The following GAS7 variants were observed in gnomAD, a reference collection of about 807,000 sequenced individuals.
GAS7 encodes growth arrest specific 7.
Under a neutral mutation model 71.1 loss-of-function variants are expected in GAS7, and 28 were observed. The ratio of observed to expected loss-of-function variants is 0.39; its 90% CI spans 0.29 to 0.54. GAS7 has a LOEUF of 0.54. GAS7 is among the 20% of genes least tolerant of loss of function. The pLI is 0.62. For synonymous variants in GAS7, 258 were observed against 245.8 expected (o/e 1.05, Z -0.46); for missense variants, 436 against 627.8 (o/e 0.69, Z 3.27).
intron 2 of GAS7, among the ~76,000 whole-genome samples, chr17:10,004,649 C>T (rs1348445349): frequency 6.6e-6 from 1 of 152,206 alleles, no homozygotes; most frequent in Non-Finnish European, 1.5e-5. Flanking sequence ...AATAAGTCTG[C>T]TCGCCCTAGA....
chr17:10,026,185 G>A lies in GAS7; in HGVS notation c.184-6288C>T. The A allele has an allele frequency of 1.0e-6, 1 of 985,348 alleles. No homozygotes were observed. Among genetic ancestry groups the A allele is most frequent in the South Asian group, 4.7e-5 (1 of 21,278 alleles). The allele number at this position is 985,348 out of a possible 1,614,324, so 61.0% of individuals were successfully genotyped here. On this transcript the variant is annotated intron_variant, in intron 1 of 13. Coordinates refer to ENST00000432992, the MANE Select transcript of GAS7 (RefSeq NM_201433.2). The surrounding 1 kb of genome is among the most constrained non-coding windows in gnomAD (Gnocchi z 4.5). ...AGCCGTGAGCAAACGCTACTCGCTG[G>A]TGTTAATGGGTGGTCGTCAGACACT...
rs766959806 is a variant in GAS7 at position 9,969,813 on chromosome 17, C to T, written c.386-51G>A. 5.7e-6 allele frequency: 7 copies of T among 1,237,356 alleles called. No individual in the cohort carries two copies. Among genetic ancestry groups the T allele is most frequent in the East Asian group, 4.7e-5 (2 of 42,982 alleles). The allele number at this position is 1,237,356 out of a possible 1,614,324, so 76.6% of individuals were successfully genotyped here. A position where few individuals can be genotyped will look rare whatever the true frequency, so the allele number is the denominator to read the frequency against. On this transcript the variant is annotated intron_variant, in intron 3 of 13. Coordinates refer to ENST00000432992, the MANE Select transcript of GAS7 (RefSeq NM_201433.2). The surrounding 1 kb of genome is among the most constrained non-coding windows in gnomAD (Gnocchi z 5.5). ...ATGCTGTGTGGGCCACAGATGGGCA[C>T]CCCCGCCTTTCGTCCACTGCAGCCC...
chr17:10,023,199 T>A (rs1042303746), intron 1 of GAS7, among the ~76,000 whole-genome samples: 1 of 152,088 alleles, frequency 6.6e-6, no homozygotes, highest in Non-Finnish European at 1.5e-5. Context: ...GCAAAGATGG[T>A]CTCCACATCT....
At chr17:10,128,325 C>T (rs9914258) in intron 1 of GAS7, among the ~76,000 whole-genome samples, 57,410 of 152,174 alleles carry the variant, frequency 0.38, 11,511 homozygotes, top group East Asian at 0.51. Context: ...GTTCCCTCTG[C>T]CTGGTTGTCC....
rs147557203 is a variant in GAS7 at position 10,071,245 on chromosome 17, T to G, written c.184-51348A>C. On this transcript the variant is annotated intron_variant, in intron 1 of 13. Coordinates refer to ENST00000432992, the MANE Select transcript of GAS7 (RefSeq NM_201433.2). Reference sequence around the variant, plus strand: ...CTGTGTTTGAGTCCCGACTCCACCATCCCCTTGGGCAAGTGGCTTTGCACA... The same window carrying G: ...CTGTGTTTGAGTCCCGACTCCACCAGCCCCTTGGGCAAGTGGCTTTGCACA... Among the ~76,000 whole-genome samples, 342 of 152,142 alleles carry G rather than the reference T, an allele frequency of 2.2e-3. 2 individuals are homozygous for G. The highest frequency in any genetic ancestry group is 7.6e-3 in the African/African-American group (316 of 41,512).
At chr17:10,164,118 G>A (rs1391154495) in intron 1 of GAS7, among the ~76,000 whole-genome samples, 3 of 152,184 alleles carry the variant, frequency 2.0e-5, no homozygotes, top group East Asian at 3.9e-4. Flanking sequence ...TCCCTGCCCC[G>A]TTAATTTTGC....
At chr17:10,085,939 CTT>C (rs993909974) in intron 1 of GAS7, among the ~76,000 whole-genome samples, 7 of 152,282 alleles carry the variant, frequency 4.6e-5, no homozygotes, top group Middle Eastern at 3.4e-3. Context: ...AAGCCTAGCT[CTT>C]GTCACTTCAT....
At chr17:10,073,330 G>C (rs1171799132) in intron 1 of GAS7, among the ~76,000 whole-genome samples, 1 of 152,190 alleles carries the variant, frequency 6.6e-6, no homozygotes, top group Non-Finnish European at 1.5e-5. Flanking sequence ...GGGATGCACA[G>C]TTTAAAGTCA....
At chr17:10,057,787 G>A (rs1438696607) in intron 1 of GAS7, among the ~76,000 whole-genome samples, 1 of 152,264 alleles carries the variant, frequency 6.6e-6, no homozygotes, top group Non-Finnish European at 1.5e-5. Flanking sequence ...TGATGACGAT[G>A]GGGGTTTTGT....
chr17:10,157,123 C>T (rs891773228), intron 1 of GAS7, among the ~76,000 whole-genome samples: 2 of 152,130 alleles, frequency 1.3e-5, no homozygotes, highest in Non-Finnish European at 2.9e-5. Flanking sequence ...GACAAGGCCA[C>T]ACATGCCCAG....
chr17:10,027,846 C>G (rs1441171545), intron 1 of GAS7, among the ~76,000 whole-genome samples: 1 of 152,108 alleles, frequency 6.6e-6, no homozygotes, highest in Non-Finnish European at 1.5e-5. Flanking sequence ...ATAGTGAGAC[C>G]CCACCGCCCC....
At chr17:10,154,180 A>G (rs574663840) in intron 1 of GAS7, among the ~76,000 whole-genome samples, 27 of 152,126 alleles carry the variant, frequency 1.8e-4, no homozygotes, top group Admixed American at 6.5e-4. Flanking sequence ...ATTAAAATAT[A>G]TATTAAAATA....
rs375431062 is a variant in GAS7 at position 10,188,712 on chromosome 17, C to G, written c.183+9496G>C. ...AGAGTGCAGTGGTGCAGTCTTGGCT[C>G]ACTGCAGCTTTGACCTCCCGGGTTC... On this transcript the variant is annotated intron_variant, in intron 1 of 13. Transcript: ENST00000432992. 2.0e-5 allele frequency among the ~76,000 whole-genome samples: 3 copies of G among 152,294 alleles called. No individual in the cohort carries two copies. In the East Asian group the frequency reaches 5.8e-4, roughly 29 times the overall value.
At chr17:9,918,825 C>T (rs1219120513) in intron 12 of GAS7, among the ~76,000 whole-genome samples, 5 of 152,160 alleles carry the variant, frequency 3.3e-5, no homozygotes, top group Non-Finnish European at 5.9e-5. Context: ...AACTAGGTCA[C>T]TGCCCAGGTG....
intron 1 of GAS7, among the ~76,000 whole-genome samples, chr17:10,158,338 A>AG (rs2074221417): frequency 1.6e-5 from 2 of 123,528 alleles, no homozygotes; most frequent in African/African-American, 6.9e-5. Flanking sequence ...TTTTTTGGTA[A>AG]AAAAAAAAAA....
Position 10,103,621 on chromosome 17 carries a change from T to C in GAS7, c.184-83724A>G, listed in dbSNP as rs1298437207. Among the ~76,000 whole-genome samples the C allele has an allele frequency of 2.0e-5, 3 of 149,484 alleles. No homozygotes were observed. Among genetic ancestry groups the C allele is most frequent in the African/African-American group, 7.4e-5 (3 of 40,580 alleles). On this transcript the variant is annotated intron_variant, in intron 1 of 13. Transcript: ENST00000432992. This position sits in a 1 kb window ranked among gnomAD's most constrained non-coding sequence, Gnocchi z 5.5. ...TGGGCGGATCACCTGAGGTCAGGAG[T>C]TCAAGACCAGCCTGGCCAACATGGA... is the stretch of plus-strand genomic sequence containing the variant.
chr17:10,172,078 A>G (rs1038171674), intron 1 of GAS7, among the ~76,000 whole-genome samples: 55 of 152,312 alleles, frequency 3.6e-4, no homozygotes, highest in African/African-American at 1.3e-3. Flanking sequence ...ATACACCTCC[A>G]TCTGCTGCTT....
At chr17:10,018,125 T>C (rs938314900) in intron 2 of GAS7, among the ~76,000 whole-genome samples, 1 of 152,204 alleles carries the variant, frequency 6.6e-6, no homozygotes, top group African/African-American at 2.4e-5. Flanking sequence ...AAGGACAACA[T>C]AGACAATATT....
chr17:9,944,076 A>C (rs139817284), intron 6 of GAS7, among the ~76,000 whole-genome samples: 4 of 152,232 alleles, frequency 2.6e-5, no homozygotes, highest in Non-Finnish European at 4.4e-5. Context: ...TAATTTTGCA[A>C]ACAAATATTC....
Sources: gnomAD v4.1 joint callset for allele counts (sites outside exome capture counted in the v4.1 genomes callset) on GRCh38, gnomAD v4.1.1 for gene constraint, Gnocchi (gnomAD v3.1) non-coding constraint, MANE v1.5 for transcripts, NCBI Gene and HGNC (gene_info 2026-07-23, HGNC 2026-07-21) for gene names.